MLIP: variants seen among roughly 807,000 people sequenced by gnomAD.
MLIP encodes the protein muscular LMNA-interacting protein.
A neutral mutation model predicts 84.8 loss-of-function variants in MLIP; 79 were observed. The observed-to-expected ratio is 0.93, with a 90% CI of 0.78 to 1.12. The LOEUF is 1.12. MLIP is among the 50% of genes most tolerant of loss of function. The pLI, the probability that MLIP is intolerant of heterozygous loss-of-function variation, is 0.00. For missense variants in MLIP, 1,257 were observed against 1,160.6 expected, an observed-to-expected ratio of 1.08 and a Z score of -1.21; for synonymous variants, 504 against 463.0, an observed-to-expected ratio of 1.09 and a Z score of -1.14.
At chr6:54,098,578 T>C (rs1453841149) in intron 1 of MLIP, among the ~76,000 whole-genome samples, 1 of 151,854 alleles carries the variant, frequency 6.6e-6, no homozygotes. Flanking sequence ...GGACAAACAA[T>C]ATTTACAACA....
intron 1 of MLIP, among the ~76,000 whole-genome samples, chr6:54,089,906 T>G (rs1337158249): frequency 6.6e-6 from 1 of 152,044 alleles, no homozygotes; most frequent in African/African-American, 2.4e-5. Context: ...GTCTCTGAAT[T>G]GAGCTTTCTT....
intron 1 of MLIP, among the ~76,000 whole-genome samples, chr6:54,080,578 G>T (rs1429832197): frequency 1.3e-5 from 2 of 151,490 alleles, no homozygotes; most frequent in Non-Finnish European, 2.9e-5. Context: ...CGATAGTTTT[G>T]CATTTGCATA....
intron 12 of MLIP, among the ~76,000 whole-genome samples, chr6:54,238,257 T>A (rs1781496878): frequency 6.6e-6 from 1 of 152,184 alleles, no homozygotes. Flanking sequence ...AACACACACA[T>A]AAAGTATCTA....
intron 1 of MLIP, among the ~76,000 whole-genome samples, chr6:54,080,509 A>G (rs919708257): frequency 1.3e-5 from 2 of 151,914 alleles, no homozygotes; most frequent in Non-Finnish European, 1.5e-5. Flanking sequence ...TTTCTATTTA[A>G]TATCAATGGA....
chr6:54,228,109 G>A (rs1780711121), intron 11 of MLIP, among the ~76,000 whole-genome samples: 2 of 65,892 alleles, frequency 3.0e-5, no homozygotes, highest in South Asian at 1.4e-3. Context: ...CATGAACCCC[G>A]GAGGCGGAGC....
intron 1 of MLIP, among the ~76,000 whole-genome samples, chr6:54,068,169 T>G (rs1178466401): frequency 1.3e-5 from 1 of 79,930 alleles, no homozygotes; most frequent in Non-Finnish European, 3.7e-5. Flanking sequence ...CTGAGTCTCC[T>G]TCCATCACCC....
chr6:54,168,368 AATACAAGGT>A (rs1235750391), intron 8 of MLIP, among the ~76,000 whole-genome samples: 1 of 151,844 alleles, frequency 6.6e-6, no homozygotes, highest in African/African-American at 2.4e-5. Flanking sequence ...GTTCCAGAAA[AATACAAGGT>A]ATTTTGTAGA....
At chr6:54,154,377 G>A (rs1210185420) in intron 5 of MLIP, among the ~76,000 whole-genome samples, 1 of 152,266 alleles carries the variant, frequency 6.6e-6, no homozygotes, top group East Asian at 1.9e-4. Flanking sequence ...TTATAGAACA[G>A]CCTTCTGCTG....
intron 1 of MLIP, among the ~76,000 whole-genome samples, chr6:54,096,166 A>G (rs767656831): frequency 2.0e-5 from 3 of 152,142 alleles, no homozygotes; most frequent in Non-Finnish European, 1.5e-5. Context: ...CCTGCAGTCC[A>G]AGATACTTGG....
chr6:54,080,035 C>T (rs1284393783), intron 1 of MLIP, among the ~76,000 whole-genome samples: 1 of 152,120 alleles, frequency 6.6e-6, no homozygotes, highest in Non-Finnish European at 1.5e-5. Flanking sequence ...TTAGAAGTTC[C>T]TCTGGCATCA....
At chr6:54,087,555 A>G (rs571759310) in intron 1 of MLIP, among the ~76,000 whole-genome samples, 11 of 152,312 alleles carry the variant, frequency 7.2e-5, no homozygotes, top group Admixed American at 7.2e-4. Context: ...ACACATTTCC[A>G]GTAAGTCAGG....
Position 54,259,671 on chromosome 6 carries a change from G to A in MLIP, c.2976+2310G>A, listed in dbSNP as rs756311797. 2.7e-3 allele frequency among the ~76,000 whole-genome samples: 413 copies of A among 151,764 alleles called. 2 individuals carry two copies. The highest frequency in any genetic ancestry group is 2.7e-3 in the Non-Finnish European group (182 of 67,812). Reference sequence around the variant, plus strand: ...ATTTTGATTCAGGTTTGGAATATACGAAAAATGTCATTTACAGTTTGAAGT... The same window carrying A: ...ATTTTGATTCAGGTTTGGAATATACAAAAAATGTCATTTACAGTTTGAAGT... On this transcript the variant is annotated intron_variant, in intron 13 of 13. Coordinates refer to ENST00000502396, the MANE Select transcript of MLIP (RefSeq NM_001281747.2).
chr6:54,159,439 T>A (rs1376227359), intron 5 of MLIP, among the ~76,000 whole-genome samples: 2 of 152,062 alleles, frequency 1.3e-5, no homozygotes, highest in African/African-American at 4.8e-5. Context: ...ATAACAATGA[T>A]AAACTCTGGA....
rs189048106 is a variant in MLIP at position 54,122,109 on chromosome 6, A to G, written c.252+507A>G. 1.5e-3 allele frequency among the ~76,000 whole-genome samples: 232 copies of G among 152,294 alleles called. 2 individuals are homozygous for G. Among genetic ancestry groups the G allele is most frequent in the African/African-American group, 5.3e-3 (220 of 41,582 alleles). Reference sequence around the variant, plus strand: ...ATCTATAGTTATAAAACTGTTTATAACCTTTCAATAATCTAACTCTTTGAA... The same window carrying G: ...ATCTATAGTTATAAAACTGTTTATAGCCTTTCAATAATCTAACTCTTTGAA... On this transcript the variant is annotated intron_variant, in intron 2 of 13. Transcript: ENST00000502396.
Position 54,137,380 on chromosome 6 carries a change from C to T in MLIP, c.1311C>T (p.Pro437=). The change falls in exon 4 of 14, where the codon CCC becomes CCT. Residue 437 remains proline, a synonymous_variant. Coordinates refer to ENST00000502396, the MANE Select transcript of MLIP (RefSeq NM_001281747.2). Reference sequence around the variant, plus strand: ...GACCCTTTTCCCCTGCATCCTGTCCCACCTTCTCTCTCAACTCCCCGGCCT... The same window carrying T: ...GACCCTTTTCCCCTGCATCCTGTCCTACCTTCTCTCTCAACTCCCCGGCCT... ...HQRPFSPASC[P]TFSLNSPASS... 1.3e-6 allele frequency: 2 copies of T among 1,536,136 alleles called. No homozygotes were observed. Among genetic ancestry groups the T allele is most frequent in the Non-Finnish European group, 1.7e-6 (2 of 1,146,906 alleles).
intron 8 of MLIP, among the ~76,000 whole-genome samples, chr6:54,167,983 C>T (rs553440439): frequency 6.6e-6 from 1 of 151,982 alleles, no homozygotes; most frequent in East Asian, 1.9e-4. Flanking sequence ...AGGGCAAAAG[C>T]AGTTCTGAAA....
chr6:54,125,594 T>C (rs1240989633), intron 3 of MLIP, among the ~76,000 whole-genome samples: 1 of 152,206 alleles, frequency 6.6e-6, no homozygotes, highest in Non-Finnish European at 1.5e-5. Context: ...TAATTTGCCA[T>C]TGACTGGCTA....
At chr6:54,049,700 C>T (rs915092255) in intron 1 of MLIP, among the ~76,000 whole-genome samples, 2 of 152,102 alleles carry the variant, frequency 1.3e-5, no homozygotes, top group Non-Finnish European at 2.9e-5. Context: ...AATTCTAAGT[C>T]TTATCTTTAA....
chr6:54,163,179 G>A (rs1774832742), intron 8 of MLIP, among the ~76,000 whole-genome samples: 1 of 151,886 alleles, frequency 6.6e-6, no homozygotes, highest in Non-Finnish European at 1.5e-5. Context: ...TTTCTCTTGA[G>A]TATTAAAATA....
Sources: allele counts gnomAD v4.1 joint callset (sites outside exome capture counted in the v4.1 genomes callset), GRCh38; gene constraint gnomAD v4.1.1; transcripts MANE v1.5; gene names NCBI Gene and HGNC (gene_info 2026-07-23, HGNC 2026-07-21).